Variants in ITPRID1 observed in about 807,000 individuals in gnomAD.
ITPRID1 encodes ITPR interacting domain containing 1.
A neutral mutation model predicts 95.4 loss-of-function variants in ITPRID1; 96 were observed. The ratio of observed to expected loss-of-function variants is 1.01; its 90% CI spans 0.85 to 1.19. ITPRID1 has a LOEUF of 1.19. Among genes scored for constraint, ITPRID1 ranks in the 50% most tolerant of loss-of-function variants. The probability of loss-of-function intolerance (pLI) is 0.00; values close to 1 mark genes in which losing one functional copy is unlikely to be tolerated. For synonymous variants in ITPRID1, 510 were observed against 453.6 expected (o/e 1.12, Z -1.58); for missense variants, 1,339 against 1,252.9 (o/e 1.07, Z -1.04).
chr7:31,515,581 A>C (rs1362578932), intron 1 of ITPRID1, among the ~76,000 whole-genome samples: 2 of 151,826 alleles, frequency 1.3e-5, no homozygotes, highest in Non-Finnish European at 2.9e-5. Flanking sequence ...GTCTCAAAAA[A>C]CAAAACAAAA....
rs372753433 is a variant in ITPRID1, at chr7:31,574,547, G to C, written c.403G>C (p.Glu135Gln). 91 of 1,612,918 alleles carry C rather than the reference G, an allele frequency of 5.6e-5. No individual in the cohort carries two copies. Among genetic ancestry groups the C allele is most frequent in the Non-Finnish European group, 6.9e-5 (81 of 1,179,080 alleles). ...STASVPQSIPEWLEFWEIDPV... is the reference protein window; with the variant it reads ...STASVPQSIPQWLEFWEIDPV... ...TCATATTTTTTACCACAGCATTCCT[G>C]AATGGCTGGAATTTTGGGAGATAGA... Residue 135 changes from glutamate (E) to glutamine (Q), a missense_variant, in exon 8 of 15, where the codon GAA (glutamate) becomes CAA (glutamine). Transcript: ENST00000615280.
downstream of ITPRID1, chr7:31,658,345 A>G (rs1296454405): frequency 3.3e-6 from 5 of 1,523,442 alleles, no homozygotes; most frequent in East Asian, 1.2e-4. Context: ...AGATGAAAAA[A>G]TAAAATCAAA....
intron 1 of ITPRID1, among the ~76,000 whole-genome samples, chr7:31,527,375 G>A (rs1473861689): frequency 1.3e-5 from 2 of 152,178 alleles, no homozygotes; most frequent in African/African-American, 4.8e-5. Context: ...CTCACTTTGT[G>A]ACACTGTCAA....
At chr7:31,519,956 C>T (rs2128126720) in intron 1 of ITPRID1, among the ~76,000 whole-genome samples, 1 of 151,246 alleles carries the variant, frequency 6.6e-6, no homozygotes, top group African/African-American at 2.4e-5. Flanking sequence ...AAGTTTTTAC[C>T]TAACTTTTTT....
chr7:31,532,690 G>T (rs117235203), intron 1 of ITPRID1, among the ~76,000 whole-genome samples: 1 of 152,062 alleles, frequency 6.6e-6, no homozygotes, highest in African/African-American at 2.4e-5. Context: ...TGAGAAATGC[G>T]CTTGCAAGGT....
chr7:31,547,055 C>T (rs191677990), intron 1 of ITPRID1, among the ~76,000 whole-genome samples: 8 of 150,890 alleles, frequency 5.3e-5, no homozygotes, highest in Admixed American at 4.0e-4. Context: ...ATGTGGTGAA[C>T]GACATCAAAT....
chr7:31,536,164 T>A (rs1223283393), intron 1 of ITPRID1, among the ~76,000 whole-genome samples: 1 of 151,578 alleles, frequency 6.6e-6, no homozygotes, highest in African/African-American at 2.4e-5. Context: ...ATTTTGAAAA[T>A]TTTTTTTCTT....
intron 1 of ITPRID1, among the ~76,000 whole-genome samples, chr7:31,537,823 G>A (rs964372679): frequency 6.6e-6 from 1 of 152,158 alleles, no homozygotes; most frequent in South Asian, 2.1e-4. Flanking sequence ...TTTTGGATTA[G>A]TATCTTCCTA....
At chr7:31,582,275 T>C (rs1040330080) in intron 9 of ITPRID1, among the ~76,000 whole-genome samples, 1 of 152,226 alleles carries the variant, frequency 6.6e-6, no homozygotes, top group African/African-American at 2.4e-5. Flanking sequence ...AGAAATCTTA[T>C]TATGTGGAAT....
chr7:31,621,076 G>C (rs946279568), intron 10 of ITPRID1, among the ~76,000 whole-genome samples: 2 of 151,786 alleles, frequency 1.3e-5, no homozygotes, highest in African/African-American at 2.4e-5. Context: ...AAAAAGAAAT[G>C]AGCAAAGCCT....
chr7:31,632,400 T>C (rs1789091272), intron 10 of ITPRID1, among the ~76,000 whole-genome samples: 1 of 152,138 alleles, frequency 6.6e-6, no homozygotes, highest in Non-Finnish European at 1.5e-5. Flanking sequence ...TGAGCCGAGA[T>C]TGTGCCACTG....
chr7:31,638,500 CACG>C (rs548728644), intron 10 of ITPRID1, among the ~76,000 whole-genome samples: 2 of 152,288 alleles, frequency 1.3e-5, no homozygotes, highest in South Asian at 4.1e-4. Flanking sequence ...ATAAATCCCA[CACG>C]ACATTGTTAA....
rs546229373 is a variant in ITPRID1, at chr7:31,598,221, C to G, written c.1228+15030C>G. 5.9e-5 allele frequency among the ~76,000 whole-genome samples: 9 copies of G among 151,844 alleles called. No individual in the cohort carries two copies. The East Asian group carries it at 1.7e-3, about 29-fold the overall frequency. ...TACAAACAATTTCTTAAACAGGACA[C>G]AAAAAAGTACACACTCTAAAAAGAA... On this transcript the variant is annotated intron_variant, in intron 10 of 14. Transcript: ENST00000615280.
intron 2 of ITPRID1, chr7:31,552,054 T>C: frequency 3.0e-6 from 1 of 332,844 alleles, no homozygotes; most frequent in Non-Finnish European, 6.1e-6. Flanking sequence ...ATGGCCCTTG[T>C]TCTCATGGTG....
At chr7:31,554,763 C>A in intron 4 of ITPRID1, 95 bp from the exon 5 acceptor site, 2 of 1,129,762 alleles carry the variant, frequency 1.8e-6, no homozygotes, top group South Asian at 1.4e-5. Flanking sequence ...TAAAACCTAA[C>A]TCTGCATTTG....
At chr7:31,651,314 C>G in intron 13 of ITPRID1, 45 bp downstream of exon 13, 1 of 1,596,846 alleles carries the variant, frequency 6.3e-7, no homozygotes, top group Non-Finnish European at 8.5e-7. Context: ...AGCCCACACA[C>G]CTGGAGCAAG....
intron 10 of ITPRID1, among the ~76,000 whole-genome samples, chr7:31,593,026 T>C (rs960048290): frequency 7.2e-5 from 11 of 152,154 alleles, no homozygotes; most frequent in South Asian, 2.1e-4. Context: ...ACAATCGCGC[T>C]GGGCACAGCG....
chr7:31,641,574 C>T (rs902699003), intron 10 of ITPRID1, among the ~76,000 whole-genome samples: 1 of 152,170 alleles, frequency 6.6e-6, no homozygotes, highest in African/African-American at 2.4e-5. Context: ...TAAGAATCTA[C>T]AGATAGATTT....
At chr7:31,524,862 A>T (rs549801306) in intron 1 of ITPRID1, among the ~76,000 whole-genome samples, 1 of 152,184 alleles carries the variant, frequency 6.6e-6, no homozygotes, top group African/African-American at 2.4e-5. Context: ...TCTTATTTTT[A>T]TATCAATGGT....
Sources: gnomAD v4.1 joint callset for allele counts (sites outside exome capture counted in the v4.1 genomes callset) on GRCh38, gnomAD v4.1.1 for gene constraint, MANE v1.5 for transcripts, NCBI Gene and HGNC (gene_info 2026-07-23, HGNC 2026-07-21) for gene names.